The following GRID1 variants were observed in gnomAD, a reference collection of about 807,000 sequenced individuals.
GRID1 encodes the protein glutamate ionotropic receptor delta type subunit 1.
GRID1 carries 28 observed loss-of-function variants against 98.0 expected under a neutral mutation model. The observed-to-expected ratio is 0.29, with a 90% CI of 0.21 to 0.39. The LOEUF (loss-of-function observed/expected upper bound fraction) is 0.39, where lower values mean the gene tolerates loss of function less well. Ranked by LOEUF, GRID1 falls within the 10% of genes least tolerant of loss-of-function variation. The pLI, the probability that GRID1 is intolerant of heterozygous loss-of-function variation, is 1.00. For synonymous variants in GRID1, 553 were observed against 538.5 expected (o/e 1.03, Z -0.37); for missense variants, 1,111 against 1,340.5 (o/e 0.83, Z 2.67).
chr10:86,119,387 T>C (rs1379052124), intron 4 of GRID1, among the ~76,000 whole-genome samples: 1 of 152,074 alleles, frequency 6.6e-6, no homozygotes, highest in African/African-American at 2.4e-5. Context: ...ATATAGACTT[T>C]AGTTAATAAT....
chr10:85,948,972 C>A (rs988271409), intron 4 of GRID1, among the ~76,000 whole-genome samples: 13 of 151,948 alleles, frequency 8.6e-5, no homozygotes, highest in Non-Finnish European at 2.9e-5. Flanking sequence ...CAGAAAAATA[C>A]ACTTTAAGCC....
intron 2 of GRID1, among the ~76,000 whole-genome samples, chr10:86,241,058 G>A (rs889710558): frequency 6.6e-6 from 1 of 152,220 alleles, no homozygotes. Flanking sequence ...TAGGCAACAG[G>A]GTCTGGGGAG....
chr10:86,033,733 T>C (rs1471128676), intron 4 of GRID1, among the ~76,000 whole-genome samples: 3 of 152,154 alleles, frequency 2.0e-5, no homozygotes, highest in East Asian at 3.9e-4. Flanking sequence ...CAGCTCTCTC[T>C]CCCATCACAC....
At position 86,066,951 on chromosome 10, in the gene GRID1, C is replaced by A. The variant is rs983309252; in HGVS notation, c.726+71868G>T. Among the ~76,000 whole-genome samples, 5 of 152,172 alleles carry A rather than the reference C, an allele frequency of 3.3e-5. No homozygotes were observed. In the South Asian group the frequency reaches 6.2e-4, roughly 19 times the overall value. On this transcript the variant is annotated intron_variant, in intron 4 of 15. Coordinates refer to ENST00000327946, the MANE Select transcript of GRID1 (RefSeq NM_017551.3). ...GGGCTTTCCGCGGGCCACTGTCACA[C>A]CTGTCATGAAGCCCTTGAAACTACA...
chr10:86,361,344 A>C (rs1309224812), intron 2 of GRID1, among the ~76,000 whole-genome samples: 1 of 152,222 alleles, frequency 6.6e-6, no homozygotes, highest in Non-Finnish European at 1.5e-5. Flanking sequence ...CAGACTCATA[A>C]AATGAAAGTA....
intron 4 of GRID1, among the ~76,000 whole-genome samples, chr10:86,067,387 T>C (rs1303390964): frequency 6.6e-6 from 1 of 152,116 alleles, no homozygotes; most frequent in Non-Finnish European, 1.5e-5. Context: ...CTGTGGCTAG[T>C]CCAGGATATT....
chr10:86,096,866 C>T (rs1465062441), intron 4 of GRID1, among the ~76,000 whole-genome samples: 1 of 152,212 alleles, frequency 6.6e-6, no homozygotes, highest in Non-Finnish European at 1.5e-5. Flanking sequence ...TCTTCCGTAG[C>T]CAGGATTCAC....
rs1490593892 is a variant in GRID1, at chr10:85,856,011, G to A, written c.1113+18C>T. 2.5e-6 allele frequency: 4 copies of A among 1,611,304 alleles called. No homozygotes were observed. Among genetic ancestry groups the A allele is most frequent in the South Asian group, 1.1e-5 (1 of 90,966 alleles). On this transcript the variant is annotated intron_variant, in intron 7 of 15. Coordinates refer to ENST00000327946, the MANE Select transcript of GRID1 (RefSeq NM_017551.3). ...GGGCCTGTCTTTGGCCAGGTTGGGGGTGCCCCCTCACACGTACCTTTTTGA... is the reference window on the plus strand; with the variant it reads ...GGGCCTGTCTTTGGCCAGGTTGGGGATGCCCCCTCACACGTACCTTTTTGA...
At chr10:86,306,928 T>C (rs1239863169) in intron 2 of GRID1, among the ~76,000 whole-genome samples, 1 of 152,198 alleles carries the variant, frequency 6.6e-6, no homozygotes, top group Non-Finnish European at 1.5e-5. Flanking sequence ...TCAATATCTA[T>C]AGTTTGGTTA....
rs190167154 is a variant in GRID1, at chr10:85,772,138, C to A, written c.1234-42524G>T. On this transcript the variant is annotated intron_variant, in intron 8 of 15. Transcript: ENST00000327946. ...ACAAACTGTCTCTCAGACCACAGTG[C>A]AATCAAACTAGAACTCAGGATTAAG... Among the ~76,000 whole-genome samples, 615 of 152,242 alleles carry A rather than the reference C, an allele frequency of 4.0e-3. 4 individuals are homozygous for A. Among genetic ancestry groups the A allele is most frequent in the Non-Finnish European group, 5.7e-3 (389 of 68,018 alleles).
chr10:86,001,418 C>T (rs1842801110), intron 4 of GRID1, among the ~76,000 whole-genome samples: 1 of 152,164 alleles, frequency 6.6e-6, no homozygotes, highest in Non-Finnish European at 1.5e-5. Context: ...ATTGATAAGA[C>T]ATTGAAAGGG....
intron 4 of GRID1, among the ~76,000 whole-genome samples, chr10:86,106,872 A>G (rs1448825847): frequency 2.0e-5 from 3 of 152,000 alleles, no homozygotes; most frequent in Non-Finnish European, 4.4e-5. Context: ...GGAGCTGGGG[A>G]GGTGAAGGAG....
intron 12 of GRID1, among the ~76,000 whole-genome samples, chr10:85,694,603 A>G (rs959358384): frequency 3.3e-5 from 4 of 123,076 alleles, no homozygotes; most frequent in East Asian, 2.7e-4. Context: ...TATATATATA[A>G]TGGAATATTA....
chr10:86,227,668 G>A (rs1005070707), intron 2 of GRID1, among the ~76,000 whole-genome samples: 2 of 152,026 alleles, frequency 1.3e-5, no homozygotes, highest in Admixed American at 1.3e-4. Flanking sequence ...GCCCATGCCA[G>A]CCCTCTGCCT....
At chr10:86,125,412 T>G (rs1029283851) in intron 4 of GRID1, among the ~76,000 whole-genome samples, 1 of 152,202 alleles carries the variant, frequency 6.6e-6, no homozygotes, top group African/African-American at 2.4e-5. Context: ...GGAGTACTGC[T>G]AGGTAGAGCA....
intron 8 of GRID1, among the ~76,000 whole-genome samples, chr10:85,817,855 C>A (rs1328214116): frequency 6.6e-6 from 1 of 152,110 alleles, no homozygotes; most frequent in African/African-American, 2.4e-5. Flanking sequence ...CTTGCCACTG[C>A]CCTCCAGCCT....
At chr10:86,315,993 C>T (rs1288204082) in intron 2 of GRID1, among the ~76,000 whole-genome samples, 1 of 151,962 alleles carries the variant, frequency 6.6e-6, no homozygotes, top group African/African-American at 2.4e-5. Context: ...ATCCATCTAT[C>T]CATCTACACA....
At chr10:86,203,886 G>A (rs1845989301) in intron 3 of GRID1, among the ~76,000 whole-genome samples, 1 of 152,128 alleles carries the variant, frequency 6.6e-6, no homozygotes, top group Admixed American at 6.5e-5. Flanking sequence ...CCCACACACG[G>A]CCTCAGAATC....
chr10:85,900,829 C>T (rs1178701883), intron 5 of GRID1, among the ~76,000 whole-genome samples: 1 of 152,100 alleles, frequency 6.6e-6, no homozygotes, highest in Non-Finnish European at 1.5e-5. Flanking sequence ...GACGAATGAA[C>T]AATAGCTTGT....
Sources: gnomAD v4.1 joint callset for allele counts (sites outside exome capture counted in the v4.1 genomes callset) on GRCh38, gnomAD v4.1.1 for gene constraint, MANE v1.5 for transcripts, NCBI Gene and HGNC (gene_info 2026-07-23, HGNC 2026-07-21) for gene names.